Variants in SLC4A5 observed in about 807,000 individuals in gnomAD.
SLC4A5 encodes the protein solute carrier family 4 member 5, also known as electrogenic sodium bicarbonate cotransporter 4.
In SLC4A5, 96 loss-of-function variants were observed where a neutral mutation model predicts 120.4. The ratio of observed to expected loss-of-function variants is 0.80; its 90% CI spans 0.68 to 0.94. The LOEUF is 0.94. Among genes scored for constraint, SLC4A5 ranks in the 40% least tolerant of loss-of-function variants. The pLI, the probability that SLC4A5 is intolerant of heterozygous loss-of-function variation, is 0.00. For missense variants in SLC4A5, 1,259 were observed against 1,459.5 expected, an observed-to-expected ratio of 0.86 and a Z score of 2.24; for synonymous variants, 550 against 571.1, an observed-to-expected ratio of 0.96 and a Z score of 0.53.
intron 6 of SLC4A5, among the ~76,000 whole-genome samples, chr2:74,310,565 A>AT (rs1352038529): frequency 3.3e-5 from 5 of 151,936 alleles, no homozygotes; most frequent in Non-Finnish European, 7.4e-5. Context: ...TTATTGTGTG[A>AT]TTTTTCTCCT....
chr2:74,304,310 G>C (rs1268982400), intron 7 of SLC4A5, among the ~76,000 whole-genome samples, 179 bp downstream of exon 7: 1 of 152,208 alleles, frequency 6.6e-6, no homozygotes, highest in Admixed American at 6.5e-5. Flanking sequence ...CTGACCAAAA[G>C]TGTCAGTGAG....
At chr2:74,262,874 C>A (rs953057575) in intron 10 of SLC4A5, among the ~76,000 whole-genome samples, 1 of 152,112 alleles carries the variant, frequency 6.6e-6, no homozygotes, top group Non-Finnish European at 1.5e-5. Flanking sequence ...GTGCCTCAGG[C>A]GTCTCATCTG....
intron 26 of SLC4A5, among the ~76,000 whole-genome samples, 180 bp from the exon 27 acceptor site, chr2:74,227,310 G>C (rs373203959): frequency 2.0e-5 from 3 of 152,180 alleles, no homozygotes; most frequent in Non-Finnish European, 4.4e-5. Flanking sequence ...GGGTCTTAGA[G>C]AAAGGGTCCT....
chr2:74,235,786 G>C (rs1338218322), intron 21 of SLC4A5, among the ~76,000 whole-genome samples: 1 of 152,014 alleles, frequency 6.6e-6, no homozygotes, highest in African/African-American at 2.4e-5. Context: ...CCTAGGCCAG[G>C]TTCTGAACCT....
chr2:74,242,016 G>A, exon 20 of SLC4A5: 3 of 1,606,614 alleles, frequency 1.9e-6, no homozygotes, highest in Non-Finnish European at 2.6e-6. Flanking sequence ...GGTGTCTGGT[G>A]CCAATGGGGC....
At chr2:74,270,605 G>A (rs1034722615) in intron 8 of SLC4A5, among the ~76,000 whole-genome samples, 2 of 152,146 alleles carry the variant, frequency 1.3e-5, no homozygotes, top group African/African-American at 2.4e-5. Context: ...CCCGGGAGGC[G>A]GAGCTTGCAG....
intron 25 of SLC4A5, among the ~76,000 whole-genome samples, chr2:74,228,408 A>G (rs1470031999): frequency 2.0e-5 from 3 of 152,142 alleles, no homozygotes; most frequent in African/African-American, 7.2e-5. Flanking sequence ...CAGGTGGATG[A>G]CCTGAGGTCA....
At chr2:74,319,943 G>T (rs1356542776) in intron 5 of SLC4A5, among the ~76,000 whole-genome samples, 1 of 152,088 alleles carries the variant, frequency 6.6e-6, no homozygotes, top group South Asian at 2.1e-4. Flanking sequence ...AAAAGACATT[G>T]TATTCATGAC....
intron 7 of SLC4A5, among the ~76,000 whole-genome samples, chr2:74,302,289 C>T (rs1013884454): frequency 5.3e-5 from 8 of 152,104 alleles, no homozygotes; most frequent in Admixed American, 3.3e-4. Flanking sequence ...GAAGAGCAGA[C>T]GGTGAAGGAA....
intron 5 of SLC4A5, among the ~76,000 whole-genome samples, chr2:74,324,031 T>TA (rs1242221213): frequency 6.6e-6 from 1 of 152,212 alleles, no homozygotes; most frequent in Non-Finnish European, 1.5e-5. Flanking sequence ...TTACATGTGT[T>TA]AATTGATTTT....
At chr2:74,273,294 G>C (rs1671534072) in intron 8 of SLC4A5, among the ~76,000 whole-genome samples, 1 of 152,134 alleles carries the variant, frequency 6.6e-6, no homozygotes, top group Non-Finnish European at 1.5e-5. Context: ...TGGTTAGTTT[G>C]TTTGCAAAAT....
chr2:74,307,689 A>G (rs1291382078), intron 6 of SLC4A5: 4 of 936,860 alleles, frequency 4.3e-6, no homozygotes, highest in Non-Finnish European at 6.7e-6. Context: ...TTTGCTCTCC[A>G]GCTTCCTGTT....
At chr2:74,271,554 G>C (rs1172956985) in intron 8 of SLC4A5, among the ~76,000 whole-genome samples, 1 of 152,036 alleles carries the variant, frequency 6.6e-6, no homozygotes, top group African/African-American at 2.4e-5. Flanking sequence ...ATTAATTGTA[G>C]CCAATCATGT....
intron 26 of SLC4A5, 107 bp from the exon 27 acceptor site, chr2:74,227,237 C>T (rs1390629768): frequency 2.3e-6 from 3 of 1,298,746 alleles, no homozygotes; most frequent in Non-Finnish European, 3.1e-6. Context: ...AGGGGAAGCC[C>T]CCTGCTCAGG....
In SLC4A5 at chr2:74,253,095, G is replaced by A. The variant is rs753532835; in HGVS notation, c.1147C>T (p.Arg383Trp). The A allele has an allele frequency of 5.0e-6, 8 of 1,613,968 alleles. No individual in the cohort carries two copies. The highest frequency in any genetic ancestry group is 1.3e-5 in the African/African-American group (1 of 74,910). Reference sequence around the variant, plus strand: ...TCAATTCCTGCGATCAGATCTTCCCGATTGCGGGCTTTGTAGGCCACGTCA... The same window carrying A: ...TCAATTCCTGCGATCAGATCTTCCCAATTGCGGGCTTTGTAGGCCACGTCA... The change falls in exon 15 of 31, where the codon CGG (arginine) becomes TGG (tryptophan). Residue 383 changes from arginine (R) to tryptophan (W), a missense_variant. Arg to Trp is a moderately radical substitution (Grantham distance 101). Transcript: ENST00000394019.
exon 31 of SLC4A5, chr2:74,217,992 C>CG (rs1694496733): frequency 6.6e-6 from 1 of 152,184 alleles, no homozygotes; most frequent in South Asian, 2.1e-4. Flanking sequence ...TTAGTAGAGA[C>CG]GGGGTTTCAC....
chr2:74,259,788 C>T (rs776631077), intron 11 of SLC4A5, 145 bp from the exon 12 acceptor site: 10 of 723,630 alleles, frequency 1.4e-5, no homozygotes, highest in Non-Finnish European at 2.5e-5. Flanking sequence ...CTTAAACTAG[C>T]ATCCTCTCAC....
rs866351887 is a variant in SLC4A5, at chr2:74,266,873, A to G, written c.402-1609T>C. Among the ~76,000 whole-genome samples, 17 of 152,360 alleles carry G rather than the reference A, an allele frequency of 1.1e-4. No homozygotes were observed. In the Middle Eastern group the frequency reaches 0.01, roughly 91 times the overall value. On this transcript the variant is annotated intron_variant, in intron 8 of 30. Transcript: ENST00000394019. ...AATGAAAACTTCTATATAGTAAAAT[A>G]ACATATAAATCAAGTTCAAAGAAAA... is the stretch of plus-strand genomic sequence containing the variant.
At chr2:74,327,472 C>A (rs1213182722) in intron 5 of SLC4A5, among the ~76,000 whole-genome samples, 3 of 152,240 alleles carry the variant, frequency 2.0e-5, no homozygotes, top group African/African-American at 7.2e-5. Flanking sequence ...CAACCCCTAG[C>A]TTGTCCATTG....
Sources: allele counts gnomAD v4.1 joint callset (sites outside exome capture counted in the v4.1 genomes callset), GRCh38; gene constraint gnomAD v4.1.1; transcripts MANE v1.5; gene names NCBI Gene and HGNC (gene_info 2026-07-23, HGNC 2026-07-21).